SLC39A11: variants seen among roughly 807,000 people sequenced by gnomAD.
The protein encoded by SLC39A11 is zinc transporter ZIP11.
In SLC39A11, 33 loss-of-function variants were observed where a neutral mutation model predicts 36.1. That is an observed-to-expected ratio of 0.91 (90% CI 0.69 to 1.22). The LOEUF (loss-of-function observed/expected upper bound fraction) is 1.22, where lower values mean the gene tolerates loss of function less well. Ranked by LOEUF, SLC39A11 falls within the 50% of genes most tolerant of loss-of-function variation. SLC39A11 has a pLI of 0.00. For missense variants in SLC39A11, 432 were observed against 430.3 expected (o/e 1.00, Z -0.03); for synonymous variants, 166 against 170.3 (o/e 0.97, Z 0.20).
intron 7 of SLC39A11, among the ~76,000 whole-genome samples, chr17:72,677,640 C>T (rs915582365): frequency 2.0e-5 from 3 of 152,118 alleles, no homozygotes; most frequent in African/African-American, 4.8e-5. Flanking sequence ...AGTGTGCATC[C>T]GAATCACCTG....
At chr17:72,791,808 CT>C (rs1188792012) in intron 6 of SLC39A11, among the ~76,000 whole-genome samples, 2 of 152,304 alleles carry the variant, frequency 1.3e-5, no homozygotes, top group Non-Finnish European at 2.9e-5. Flanking sequence ...TTGCTCGGCA[CT>C]TCTCTCTCCT....
intron 3 of SLC39A11, among the ~76,000 whole-genome samples, chr17:73,040,641 A>G (rs1479133054): frequency 1.3e-5 from 2 of 152,156 alleles, no homozygotes; most frequent in African/African-American, 2.4e-5. Context: ...TTTTTGCAAC[A>G]TTTCTTAAAA....
At chr17:72,824,366 C>A (rs1212217150) in intron 6 of SLC39A11, among the ~76,000 whole-genome samples, 1 of 151,288 alleles carries the variant, frequency 6.6e-6, no homozygotes, top group Non-Finnish European at 1.5e-5. Context: ...ACCTGTACAG[C>A]CTGCAGAACT....
intron 5 of SLC39A11, among the ~76,000 whole-genome samples, chr17:72,864,098 G>A (rs1016582875): frequency 6.6e-6 from 1 of 152,152 alleles, no homozygotes; most frequent in Non-Finnish European, 1.5e-5. Flanking sequence ...GAAATTGTTT[G>A]CCCAAAGGAT....
intron 6 of SLC39A11, among the ~76,000 whole-genome samples, chr17:72,818,096 G>A (rs1031281751): frequency 5.9e-5 from 9 of 152,102 alleles, no homozygotes; most frequent in African/African-American, 9.7e-5. Flanking sequence ...TCCTTCCCAC[G>A]ACACATGAGG....
chr17:73,010,844 G>C (rs896039883), intron 4 of SLC39A11, among the ~76,000 whole-genome samples: 14 of 152,318 alleles, frequency 9.2e-5, no homozygotes, highest in African/African-American at 3.1e-4. Flanking sequence ...GCATGGATCT[G>C]CTCCCCAAAA....
intron 5 of SLC39A11, among the ~76,000 whole-genome samples, chr17:72,908,665 C>T (rs142254264): frequency 2.0e-5 from 3 of 152,242 alleles, no homozygotes; most frequent in South Asian, 4.2e-4. Flanking sequence ...AGGGAGGAGA[C>T]GGGCATGCTG....
At chr17:72,694,179 G>A (rs1019217684) in intron 7 of SLC39A11, among the ~76,000 whole-genome samples, 2 of 152,184 alleles carry the variant, frequency 1.3e-5, no homozygotes. Flanking sequence ...AGGGTGGCCC[G>A]AGCCCTCTCT....
rs1054609657 is a variant in SLC39A11 at position 72,777,901 on chromosome 17, GTACATACT to G, written c.602-41190_602-41183del. On this transcript the variant is annotated intron_variant, in intron 6 of 9. Transcript: ENST00000255559. ...TGTATGTATGTATGTATGTATGTACGTACATACTTACTTACTTATTTGAGACAGAGCCT... is the reference window on the plus strand; with the variant it reads ...TGTATGTATGTATGTATGTATGTACGTACTTACTTATTTGAGACAGAGCCT... 1.3e-4 allele frequency among the ~76,000 whole-genome samples: 19 copies of G among 151,802 alleles called. 1 individual carries two copies. Among genetic ancestry groups the G allele is most frequent in the African/African-American group, 4.4e-4 (18 of 41,248 alleles).
chr17:72,984,099 G>A (rs1337687852), intron 4 of SLC39A11, among the ~76,000 whole-genome samples: 1 of 152,136 alleles, frequency 6.6e-6, no homozygotes, highest in Non-Finnish European at 1.5e-5. Flanking sequence ...GAGTGATTCT[G>A]GGAGCCTCAG....
chr17:72,982,475 C>T (rs929546607), intron 4 of SLC39A11, among the ~76,000 whole-genome samples: 5 of 152,138 alleles, frequency 3.3e-5, no homozygotes, highest in African/African-American at 1.2e-4. Flanking sequence ...AATAAATGTG[C>T]ATTCACTTGC....
intron 7 of SLC39A11, among the ~76,000 whole-genome samples, chr17:72,692,645 C>T (rs1223228162): frequency 6.6e-6 from 1 of 152,200 alleles, no homozygotes; most frequent in Non-Finnish European, 1.5e-5. Flanking sequence ...TTCCCTCCCA[C>T]AATTTGTGGG....
intron 4 of SLC39A11, among the ~76,000 whole-genome samples, chr17:73,026,222 A>AAGAGAAGAGT (rs2058544900): frequency 1.3e-5 from 2 of 151,360 alleles, no homozygotes; most frequent in African/African-American, 4.9e-5. Flanking sequence ...AAGAGAAGAG[A>AAGAGAAGAGT]AGAGAAGAGA....
intron 2 of SLC39A11, among the ~76,000 whole-genome samples, chr17:73,085,173 T>G (rs1184536978): frequency 1.3e-5 from 2 of 152,150 alleles, no homozygotes; most frequent in African/African-American, 2.4e-5. Context: ...TGGGAATTAC[T>G]GAGCGTTGGT....
intron 6 of SLC39A11, among the ~76,000 whole-genome samples, chr17:72,759,598 A>C (rs1049780661): frequency 6.6e-6 from 1 of 152,256 alleles, no homozygotes; most frequent in African/African-American, 2.4e-5. Flanking sequence ...GAATTTATGC[A>C]ATCTTAGGAG....
At position 72,880,174 on chromosome 17, in the gene SLC39A11, T is replaced by C. The variant is rs145916710; in HGVS notation, c.431-30370A>G. ...TACTCCTCACACACTGCCTGGCACA[T>C]AGCAGGGGCTCCATGATCTGTCATC... On this transcript the variant is annotated intron_variant, in intron 5 of 9. Coordinates refer to ENST00000255559, the MANE Select transcript of SLC39A11 (RefSeq NM_139177.4). Among the ~76,000 whole-genome samples, 820 of 152,328 alleles carry C rather than the reference T, an allele frequency of 5.4e-3. 4 individuals carry two copies. Among genetic ancestry groups the C allele is most frequent in the Middle Eastern group, 0.014 (4 of 294 alleles).
intron 7 of SLC39A11, among the ~76,000 whole-genome samples, chr17:72,665,387 GTGT>G (rs1225931673): frequency 1.8e-5 from 1 of 57,100 alleles, no homozygotes; most frequent in Non-Finnish European, 3.4e-5. Flanking sequence ...AAGTTTTGAG[GTGT>G]TTTTTTTTTT....
At chr17:72,692,583 C>G (rs1362918878) in intron 7 of SLC39A11, among the ~76,000 whole-genome samples, 2 of 152,192 alleles carry the variant, frequency 1.3e-5, no homozygotes, top group African/African-American at 4.8e-5. Flanking sequence ...TTCACTATCA[C>G]GAGAATAGCA....
chr17:73,009,304 G>C (rs759091119), intron 4 of SLC39A11, among the ~76,000 whole-genome samples: 8 of 146,544 alleles, frequency 5.5e-5, no homozygotes, highest in Non-Finnish European at 1.0e-4. Context: ...GCAGTGAGCC[G>C]AGATTGCGCC....
Sources: allele counts gnomAD v4.1 joint callset (sites outside exome capture counted in the v4.1 genomes callset), GRCh38; gene constraint gnomAD v4.1.1; transcripts MANE v1.5; gene names NCBI Gene and HGNC (gene_info 2026-07-23, HGNC 2026-07-21).